Variants in POTEF observed in about 807,000 individuals in gnomAD.
The protein encoded by POTEF is POTE ankyrin domain family member F.
In POTEF, 20 loss-of-function variants were observed where a neutral mutation model predicts 83.2. The ratio of observed to expected loss-of-function variants is 0.24; its 90% confidence interval spans 0.17 to 0.35. The LOEUF (loss-of-function observed/expected upper bound fraction) is 0.35. Ranked by LOEUF, POTEF falls within the 10% of genes least tolerant of loss-of-function variation. The pLI is 1.00. For missense variants in POTEF, 550 were observed against 1,203.2 expected, an observed-to-expected ratio of 0.46 and a Z score of 8.03; for synonymous variants, 196 against 446.4, an observed-to-expected ratio of 0.44 and a Z score of 7.07.
At chr2:130,115,664 C>T (rs550373333) in intron 3 of POTEF, among the ~76,000 whole-genome samples, 171 of 152,284 alleles carry the variant, frequency 1.1e-3, no homozygotes, top group African/African-American at 4.0e-3. Flanking sequence ...TAGTAGCTTT[C>T]TCACAGGAAA....
chr2:130,106,946 C>T lies in POTEF; in HGVS notation c.1126+1063G>A, dbSNP rs28555208. Reference sequence around the variant, plus strand: ...AATGGAGACAGCTCTATTATGAGCACCTTAAAGATCAAAACTACATCTATT... The same window carrying T: ...AATGGAGACAGCTCTATTATGAGCATCTTAAAGATCAAAACTACATCTATT... On this transcript the variant is annotated intron_variant, in intron 8 of 16. Transcript: ENST00000409914. Among the ~76,000 whole-genome samples, 9 of 149,278 alleles carry T rather than the reference C, an allele frequency of 6.0e-5. No homozygotes were observed. The East Asian group carries it at 1.4e-3, about 23-fold the overall frequency.
Position 130,075,269 on chromosome 2 carries a change from C to T in POTEF, c.2203G>A (p.Val735Met), listed in dbSNP as rs761079838. 2.9e-5 allele frequency: 47 copies of T among 1,612,414 alleles called. No individual in the cohort carries two copies. The highest frequency in any genetic ancestry group is 1.9e-4 in the Middle Eastern group (1 of 5,162). Reference protein sequence around the residue: ...DAPRAVFPSIVGRPRQQGMMG... With the variant: ...DAPRAVFPSIMGRPRQQGMMG... ...ATGCCCTGCTGCCTGGGGCGCCCCA[C>T]GATGGAAGGGAAGACAGCCCGGGGG... The change falls in exon 17 of 17, where the codon GTG becomes ATG. Residue 735 changes from valine to methionine, a missense_variant. By Grantham distance (21) the Val-to-Met change is conservative. Transcript: ENST00000409914.
At chr2:130,114,737 A>C (rs1684797859) in intron 5 of POTEF, 144 bp downstream of exon 5, 1 of 1,235,968 alleles carries the variant, frequency 8.1e-7, no homozygotes. Flanking sequence ...ATTTAAAATG[A>C]AGTCTTAGAT....
chr2:130,075,269 C>G lies in POTEF; in HGVS notation c.2203G>C (p.Val735Leu). The change falls in exon 17 of 17, where the codon GTG becomes CTG. Residue 735 changes from valine to leucine, a missense_variant. Val to Leu is a conservative substitution (Grantham distance 32). Transcript: ENST00000409914. ...ATGCCCTGCTGCCTGGGGCGCCCCACGATGGAAGGGAAGACAGCCCGGGGG... is the reference window on the plus strand; with the variant it reads ...ATGCCCTGCTGCCTGGGGCGCCCCAGGATGGAAGGGAAGACAGCCCGGGGG... ...DAPRAVFPSI[V>L]GRPRQQGMMG... 1 of 1,612,534 alleles carries G rather than the reference C, an allele frequency of 6.2e-7. No homozygotes were observed. Among genetic ancestry groups the G allele is most frequent in the Non-Finnish European group, 8.5e-7 (1 of 1,179,854 alleles).
rs372512814 is a variant in POTEF at position 130,120,084 on chromosome 2, G to A, written c.432C>T (p.His144=). The change falls in exon 3 of 17, where the codon CAC becomes CAT. Residue 144 remains histidine, a synonymous_variant. Coordinates refer to ENST00000409914, the MANE Select transcript of POTEF (RefSeq NM_001099771.2). ...GGACTTTACCCCACCAGGCAGCTCTGTGGAGCTTGTCCAGATCTTCTCCAC... is the reference window on the plus strand; with the variant it reads ...GGACTTTACCCCACCAGGCAGCTCTATGGAGCTTGTCCAGATCTTCTCCAC... ...HVRGEDLDKL[H]RAAWWGKVPR... 145 of 1,601,350 alleles carry A rather than the reference G, an allele frequency of 9.1e-5. No individual in the cohort carries two copies. In the African/African-American group the frequency reaches 1.9e-3, roughly 21 times the overall value.
At chr2:130,078,155 A>G in intron 15 of POTEF, among the ~76,000 whole-genome samples, 1 of 92,334 alleles carries the variant, frequency 1.1e-5, no homozygotes, top group Admixed American at 1.4e-4. Flanking sequence ...GAGGAAGTCA[A>G]ACTATCTCTT....
intron 12 of POTEF, among the ~76,000 whole-genome samples, chr2:130,093,125 C>T (rs1260467505): frequency 1.4e-5 from 2 of 143,790 alleles, no homozygotes; most frequent in African/African-American, 2.7e-5. Flanking sequence ...TTGTGTGCTT[C>T]GTATGAGAAT....
chr2:130,110,469 ATG>A (rs1684679230), intron 7 of POTEF, 72 bp downstream of exon 7: 1 of 1,451,994 alleles, frequency 6.9e-7, no homozygotes, highest in African/African-American at 1.5e-5. Context: ...CTCACCTGAT[ATG>A]TGAGATGCAA....
intron 15 of POTEF, among the ~76,000 whole-genome samples, chr2:130,083,455 C>T (rs1414095076): frequency 6.9e-6 from 1 of 145,422 alleles, no homozygotes; most frequent in Admixed American, 6.8e-5. Flanking sequence ...ACTAGAAAGG[C>T]AGGAGGAAAA....
At chr2:130,127,272 C>A in intron 2 of POTEF, among the ~76,000 whole-genome samples, 1 of 132,880 alleles carries the variant, frequency 7.5e-6, no homozygotes, top group Non-Finnish European at 1.5e-5. Context: ...TTGCAGTGAG[C>A]CGAGATCACA....
intron 1 of POTEF, among the ~76,000 whole-genome samples, chr2:130,128,160 ATTCCTGACACCTCCACCCACAGTGCCCTG>A (rs1435745311): frequency 7.2e-6 from 1 of 139,796 alleles, no homozygotes; most frequent in African/African-American, 2.8e-5. Flanking sequence ...GCTGGTTCCC[ATTCCTGACACCTCCACCCACAGTGCCCTG>A]TTCCCACAGT....
intron 15 of POTEF, among the ~76,000 whole-genome samples, chr2:130,078,187 C>T (rs2104776704): frequency 1.1e-5 from 1 of 88,228 alleles, no homozygotes; most frequent in East Asian, 3.1e-4. Context: ...TTATCCCATA[C>T]CTAGAAAACC....
chr2:130,120,205 TG>T lies in POTEF; in HGVS notation c.310del (p.His104ThrfsTer63), dbSNP rs1684962729. 6.3e-7 allele frequency: 1 copy of T among 1,592,424 alleles called. No homozygotes were observed. On this transcript the variant is annotated frameshift_variant, in exon 3 of 17. Transcript: ENST00000409914. LOFTEE classifies it high-confidence loss of function. The part of the protein sequence containing the change: ...LRNKMGKWCC[H>X]CFPCCRGSSK... The stretch of plus-strand genomic sequence containing the variant: ...GCTCCCCCTGCAGCAGGGGAAGCAG[TG>T]GCAGCACCACTTGCCCATCTTGTTC...
chr2:130,108,851 C>A (rs1327165296), intron 7 of POTEF, among the ~76,000 whole-genome samples: 1 of 149,666 alleles, frequency 6.7e-6, no homozygotes, highest in Non-Finnish European at 1.5e-5. Context: ...GACCAACGAT[C>A]CTTCTCTACC....
In POTEF at chr2:130,105,092, TTC is replaced by T. The variant is rs574313053; in HGVS notation, c.1127-2914_1127-2913del. 6.8e-5 allele frequency among the ~76,000 whole-genome samples: 10 copies of T among 146,562 alleles called. No homozygotes were observed. In the South Asian group the frequency reaches 2.0e-3, roughly 29 times the overall value. On this transcript the variant is annotated intron_variant, in intron 8 of 16. Coordinates refer to ENST00000409914, the MANE Select transcript of POTEF (RefSeq NM_001099771.2). ...TGGAAACCTGGAAATTATCTGACAT[TTC>T]TCTCTGTCCCCCAAGCCTTTCTCAT...
intron 8 of POTEF, among the ~76,000 whole-genome samples, chr2:130,105,911 G>A (rs1684513220): frequency 6.7e-6 from 1 of 149,916 alleles, no homozygotes; most frequent in Non-Finnish European, 1.5e-5. Context: ...AAACAGAAAT[G>A]TTTATTCTAA....
Position 130,096,542 on chromosome 2 carries a change from A to AATT in POTEF, c.1409+2927_1409+2928insAAT, listed in dbSNP as rs1340028609. Among the ~76,000 whole-genome samples the AATT allele has an allele frequency of 1.9e-4, 29 of 149,182 alleles. No individual in the cohort carries two copies. In the South Asian group the frequency reaches 2.6e-3, roughly 13 times the overall value. On this transcript the variant is annotated intron_variant, in intron 11 of 16. Coordinates refer to ENST00000409914, the MANE Select transcript of POTEF (RefSeq NM_001099771.2). ...GTGTGTGATACCCAATAACTAACCAAATAGAGACGTCAAGTAGGCAGGCTG... is the reference window on the plus strand; with the variant it reads ...GTGTGTGATACCCAATAACTAACCAAATTATAGAGACGTCAAGTAGGCAGGCTG...
intron 8 of POTEF, among the ~76,000 whole-genome samples, chr2:130,104,057 A>G (rs1053424093): frequency 1.3e-5 from 2 of 148,630 alleles, no homozygotes; most frequent in Non-Finnish European, 2.9e-5. Context: ...AAATGCCAAA[A>G]CCAATATTCC....
intron 5 of POTEF, 137 bp from the exon 6 acceptor site, chr2:130,112,238 CT>C (rs1684734475): frequency 3.8e-6 from 4 of 1,049,090 alleles, no homozygotes; most frequent in Non-Finnish European, 5.2e-6. Flanking sequence ...CCTTCTCACT[CT>C]TCTGTGCTTT....
Sources: allele counts gnomAD v4.1 joint callset (sites outside exome capture counted in the v4.1 genomes callset), GRCh38; gene constraint gnomAD v4.1.1; transcripts MANE v1.5; gene names NCBI Gene and HGNC (gene_info 2026-07-23, HGNC 2026-07-21).